Variants in MAMDC2 observed in about 807,000 individuals in gnomAD.
MAMDC2 encodes the protein MAM domain containing 2, also known as MAM domain-containing protein 2.
MAMDC2 carries 57 observed loss-of-function variants against 89.8 expected under a neutral mutation model. That is an observed-to-expected ratio of 0.63 (90% CI 0.51 to 0.79). The LOEUF is 0.79. MAMDC2 is among the 30% of genes least tolerant of loss of function. MAMDC2 has a pLI of 0.00. For missense variants in MAMDC2, 800 were observed against 820.6 expected (o/e 0.97, Z 0.31); for synonymous variants, 313 against 293.4 (o/e 1.07, Z -0.68).
At chr9:70,064,170 TA>T (rs1187392023) in intron 2 of MAMDC2, among the ~76,000 whole-genome samples, 4 of 152,082 alleles carry the variant, frequency 2.6e-5, no homozygotes, top group African/African-American at 9.7e-5. Flanking sequence ...TGAATTTTTT[TA>T]AAATTTTTTT....
At chr9:70,206,814 G>A (rs991656711) in intron 11 of MAMDC2, among the ~76,000 whole-genome samples, 3 of 152,066 alleles carry the variant, frequency 2.0e-5, no homozygotes. Context: ...GGTGTGTGAT[G>A]TTCCCCACCC....
At chr9:70,217,864 T>C (rs1316370779) in intron 11 of MAMDC2, among the ~76,000 whole-genome samples, 1 of 152,252 alleles carries the variant, frequency 6.6e-6, no homozygotes, top group Non-Finnish European at 1.5e-5. Flanking sequence ...GCATAGGTAT[T>C]AACCCTTATC....
intron 11 of MAMDC2, among the ~76,000 whole-genome samples, chr9:70,209,278 T>G (rs952161394): frequency 2.0e-5 from 3 of 152,236 alleles, no homozygotes; most frequent in Admixed American, 6.5e-5. Context: ...TTTTGGTTGG[T>G]AGGCTATTAA....
chr9:70,065,702 G>A lies in MAMDC2; in HGVS notation c.148+21005G>A, dbSNP rs116837076. 5.0e-3 allele frequency among the ~76,000 whole-genome samples: 754 copies of A among 151,848 alleles called. 2 individuals carry two copies. Among genetic ancestry groups the A allele is most frequent in the African/African-American group, 0.016 (669 of 41,400 alleles). On this transcript the variant is annotated intron_variant, in intron 2 of 13. Coordinates refer to ENST00000377182, the MANE Select transcript of MAMDC2 (RefSeq NM_153267.5). ...GTACTTCACTCCAATCCCTGGCCTG[G>A]TCATTGGGTTGAGACATTGAGTGGA... is the stretch of plus-strand genomic sequence containing the variant.
At chr9:70,150,269 T>A (rs2031542885) in intron 9 of MAMDC2, among the ~76,000 whole-genome samples, 1 of 152,204 alleles carries the variant, frequency 6.6e-6, no homozygotes, top group Non-Finnish European at 1.5e-5. Flanking sequence ...AGCACCCAAA[T>A]AAGCATACGG....
intron 12 of MAMDC2, among the ~76,000 whole-genome samples, chr9:70,220,032 T>C (rs774613063): frequency 6.6e-6 from 1 of 152,214 alleles, no homozygotes; most frequent in Non-Finnish European, 1.5e-5. Context: ...GAAATCTGTT[T>C]TAATAAGCCC....
At chr9:70,086,922 C>T (rs901650617) in intron 2 of MAMDC2, 2 of 152,114 alleles carry the variant, frequency 1.3e-5, no homozygotes, top group African/African-American at 4.8e-5. Flanking sequence ...GCTAGTCCCT[C>T]AGAATGCAAG....
chr9:70,183,800 T>C (rs968390452), intron 11 of MAMDC2, among the ~76,000 whole-genome samples: 1 of 152,322 alleles, frequency 6.6e-6, no homozygotes, highest in South Asian at 2.1e-4. Flanking sequence ...CTCTATCCAA[T>C]TTGCCAGTCT....
At chr9:70,126,690 C>T (rs1434577416) in intron 6 of MAMDC2, among the ~76,000 whole-genome samples, 6 of 152,132 alleles carry the variant, frequency 3.9e-5, no homozygotes, top group South Asian at 2.1e-4. Context: ...GACTTCTTGG[C>T]GACCCTCTCC....
chr9:70,078,600 G>A (rs1345291558), intron 2 of MAMDC2, among the ~76,000 whole-genome samples: 1 of 152,168 alleles, frequency 6.6e-6, no homozygotes. Flanking sequence ...TTAAGGTATA[G>A]GGTGTGGGTT....
intron 9 of MAMDC2, among the ~76,000 whole-genome samples, chr9:70,159,796 G>C (rs2031901080): frequency 6.6e-6 from 1 of 152,210 alleles, no homozygotes. Context: ...ACATTTGTCA[G>C]GGCAGTGTTT....
At chr9:70,184,339 G>T (rs1020521094) in intron 11 of MAMDC2, among the ~76,000 whole-genome samples, 2 of 152,088 alleles carry the variant, frequency 1.3e-5, no homozygotes, top group Non-Finnish European at 2.9e-5. Context: ...CAACCTTGGA[G>T]AATCTGATGA....
chr9:70,130,822 C>T (rs1020388497), intron 6 of MAMDC2, among the ~76,000 whole-genome samples: 2 of 151,984 alleles, frequency 1.3e-5, no homozygotes, highest in African/African-American at 4.8e-5. Flanking sequence ...AAAAACCTGG[C>T]CTACTTTCTT....
At chr9:70,050,228 G>A (rs543102409) in intron 2 of MAMDC2, among the ~76,000 whole-genome samples, 16 of 150,788 alleles carry the variant, frequency 1.1e-4, no homozygotes, top group Admixed American at 4.6e-4. Context: ...GATCTTCAGC[G>A]TGTAGAAAAG....
intron 2 of MAMDC2, among the ~76,000 whole-genome samples, chr9:70,095,983 G>C (rs970045953): frequency 4.6e-5 from 7 of 151,870 alleles, no homozygotes; most frequent in African/African-American, 1.7e-4. Flanking sequence ...AACATGTCCT[G>C]TTCCCAGGAC....
chr9:70,141,956 A>G (rs1331348811), intron 8 of MAMDC2, among the ~76,000 whole-genome samples: 1 of 152,152 alleles, frequency 6.6e-6, no homozygotes, highest in Admixed American at 6.5e-5. Flanking sequence ...AGGAAATTTT[A>G]TGACCTGCTT....
intron 7 of MAMDC2, 121 bp downstream of exon 7, chr9:70,131,733 A>C (rs2030813428): frequency 2.7e-6 from 2 of 743,808 alleles, no homozygotes; most frequent in East Asian, 5.7e-5. Flanking sequence ...CATCCTTAAA[A>C]AATTATTTAA....
At chr9:70,183,877 T>A (rs2032695617) in intron 11 of MAMDC2, among the ~76,000 whole-genome samples, 1 of 152,198 alleles carries the variant, frequency 6.6e-6, no homozygotes, top group Non-Finnish European at 1.5e-5. Flanking sequence ...GATTCTGTCA[T>A]TATGTGAATT....
chr9:70,099,399 C>T (rs1327054717), intron 2 of MAMDC2, among the ~76,000 whole-genome samples: 1 of 152,180 alleles, frequency 6.6e-6, no homozygotes, highest in African/African-American at 2.4e-5. Flanking sequence ...AACACTCCTT[C>T]AAAATGTAAG....
Sources: gnomAD v4.1 joint callset for allele counts (sites outside exome capture counted in the v4.1 genomes callset) on GRCh38, gnomAD v4.1.1 for gene constraint, MANE v1.5 for transcripts, NCBI Gene and HGNC (gene_info 2026-07-23, HGNC 2026-07-21) for gene names.